The following SLC38A9 variants were observed in gnomAD, a reference collection of about 807,000 sequenced individuals.
SLC38A9 encodes the protein neutral amino acid transporter 9.
SLC38A9 carries 48 observed loss-of-function variants against 62.3 expected under a neutral mutation model. The observed-to-expected ratio is 0.77, with a 90% CI of 0.61 to 0.98. SLC38A9 has a LOEUF of 0.98. Among genes scored for constraint, SLC38A9 ranks in the 50% least tolerant of loss-of-function variants. SLC38A9 has a pLI of 0.00. For synonymous variants in SLC38A9, 204 were observed against 227.7 expected (o/e 0.90, Z 0.94); for missense variants, 541 against 679.8 (o/e 0.80, Z 2.27).
At position 55,679,231 on chromosome 5, in the gene SLC38A9, T is replaced by C. The variant is rs894163404; in HGVS notation, c.114-6536A>G. On this transcript the variant is annotated intron_variant, in intron 3 of 15. Coordinates refer to ENST00000396865, the MANE Select transcript of SLC38A9 (RefSeq NM_173514.4). The stretch of plus-strand genomic sequence containing the variant: ...CATAAGCAGTCTCATTTTTTTAAGA[T>C]TGTTATTTTTTTTTTAACTAAGTGG... 6.6e-5 allele frequency among the ~76,000 whole-genome samples: 10 copies of C among 152,164 alleles called. 1 individual carries two copies. The highest frequency in any genetic ancestry group is 2.4e-4 in the African/African-American group (10 of 41,434).
intron 8 of SLC38A9, among the ~76,000 whole-genome samples, chr5:55,662,099 T>C (rs1749677435): frequency 6.6e-6 from 1 of 152,154 alleles, no homozygotes; most frequent in Non-Finnish European, 1.5e-5. Flanking sequence ...CAAGTAAGGT[T>C]GAAAATGTGA....
At chr5:55,669,676 T>C in intron 5 of SLC38A9, 56 bp from the exon 6 acceptor site, 1 of 1,588,710 alleles carries the variant, frequency 6.3e-7, no homozygotes, top group African/African-American at 1.4e-5. Context: ...TCAAACATTT[T>C]AATTGAGACA....
chr5:55,655,892 C>T (rs925945574), intron 9 of SLC38A9, among the ~76,000 whole-genome samples: 2 of 151,982 alleles, frequency 1.3e-5, no homozygotes, highest in Admixed American at 6.6e-5. Flanking sequence ...TTCCCTGTAA[C>T]GGCCATACTG....
chr5:55,667,886 A>G (rs1191193947), intron 7 of SLC38A9, among the ~76,000 whole-genome samples: 1 of 152,190 alleles, frequency 6.6e-6, no homozygotes, highest in Non-Finnish European at 1.5e-5. Flanking sequence ...TAGTTTAATA[A>G]CATGGAAGTT....
At chr5:55,637,630 C>A (rs971683700) in intron 12 of SLC38A9, among the ~76,000 whole-genome samples, 1 of 152,132 alleles carries the variant, frequency 6.6e-6, no homozygotes, top group East Asian at 1.9e-4. Context: ...TACCCAGGAC[C>A]ACGCCTGGTA....
rs1455774804 is a variant in SLC38A9 at position 55,652,549 on chromosome 5, A to G, written c.932T>C (p.Phe311Ser). 6.2e-7 allele frequency: 1 copy of G among 1,601,564 alleles called. No individual in the cohort carries two copies. Among genetic ancestry groups the G allele is most frequent in the South Asian group, 1.1e-5 (1 of 89,590 alleles). The change falls in exon 10 of 16, where the codon TTT (phenylalanine) becomes TCT (serine). Residue 311 changes from phenylalanine to serine, a missense_variant. By Grantham distance (155) the Phe-to-Ser change is radical. Coordinates refer to ENST00000396865, the MANE Select transcript of SLC38A9 (RefSeq NM_173514.4). ...CTTACCTAGGATATTAAATTTTGAAAAAAATGAAGGAGACTTGAAATTGAG... is the reference window on the plus strand; with the variant it reads ...CTTACCTAGGATATTAAATTTTGAAGAAAATGAAGGAGACTTGAAATTGAG... ...PLLNFKSPSF[F>S]SKFNILGTVS...
chr5:55,651,449 C>G (rs1439706281), intron 10 of SLC38A9, among the ~76,000 whole-genome samples: 2 of 151,744 alleles, frequency 1.3e-5, no homozygotes, highest in Non-Finnish European at 2.9e-5. Context: ...AGGGTTTCAC[C>G]ATCTTGGCCA....
At chr5:55,711,146 A>G (rs1757978212) in intron 2 of SLC38A9, among the ~76,000 whole-genome samples, 1 of 151,754 alleles carries the variant, frequency 6.6e-6, no homozygotes, top group South Asian at 2.1e-4. Context: ...TACAAAAATT[A>G]GCGGGGCGTG....
intron 14 of SLC38A9, among the ~76,000 whole-genome samples, chr5:55,630,591 C>T (rs746615746): frequency 2.5e-4 from 38 of 152,132 alleles, no homozygotes; most frequent in Non-Finnish European, 4.6e-4. Flanking sequence ...GCTGGGATTA[C>T]AGGTGTGAGC....
At chr5:55,670,350 AAACT>A (rs2150344962) in intron 4 of SLC38A9, among the ~76,000 whole-genome samples, 1 of 121,610 alleles carries the variant, frequency 8.2e-6, no homozygotes, top group South Asian at 3.2e-4. Flanking sequence ...AAATATAGAA[AAACT>A]AACTAAAAAA....
Position 55,626,390 on chromosome 5 carries a change from T to G in SLC38A9, c.*104A>C. 1 of 1,017,290 alleles carries G rather than the reference T, an allele frequency of 9.8e-7. No individual in the cohort carries two copies. Among genetic ancestry groups the G allele is most frequent in the Non-Finnish European group, 1.4e-6 (1 of 702,952 alleles). 63.0% of individuals were successfully genotyped at this position (1,017,290 alleles called of 1,614,324 possible). Reference sequence around the variant, plus strand: ...CTTGCTTTCAAATTATCTTAGAAAATATTTAGAATTACACAACAGCAGCAT... The same window carrying G: ...CTTGCTTTCAAATTATCTTAGAAAAGATTTAGAATTACACAACAGCAGCAT... On this transcript the variant is annotated 3_prime_UTR_variant, in exon 16 of 16. Coordinates refer to ENST00000396865, the MANE Select transcript of SLC38A9 (RefSeq NM_173514.4).
intron 10 of SLC38A9, among the ~76,000 whole-genome samples, chr5:55,650,561 A>G (rs1477835073): frequency 6.6e-6 from 1 of 152,188 alleles, no homozygotes; most frequent in Admixed American, 6.5e-5. Context: ...GAAACCACGA[A>G]TGAGCGATAT....
intron 15 of SLC38A9, among the ~76,000 whole-genome samples, 156 bp from the exon 16 acceptor site, chr5:55,626,815 AACTT>A (rs1374288347): frequency 1.3e-5 from 2 of 152,154 alleles, no homozygotes; most frequent in African/African-American, 4.8e-5. Flanking sequence ...CTGGGTTTAA[AACTT>A]ACTTTACTTG....
intron 2 of SLC38A9, among the ~76,000 whole-genome samples, chr5:55,700,371 A>AAAAG (rs1554069849): frequency 2.0e-5 from 3 of 151,274 alleles, no homozygotes; most frequent in African/African-American, 4.9e-5. Flanking sequence ...AAAAAAAAAA[A>AAAAG]GAACTAAAAT....
intron 14 of SLC38A9, among the ~76,000 whole-genome samples, chr5:55,631,801 T>C (rs1227856230): frequency 6.6e-6 from 1 of 152,226 alleles, no homozygotes; most frequent in Admixed American, 6.5e-5. Flanking sequence ...TAAGTTATCT[T>C]TCTTTAAAAG....
intron 12 of SLC38A9, 48 bp from the exon 13 acceptor site, chr5:55,635,705 A>C (rs748526294): frequency 1.6e-6 from 2 of 1,282,866 alleles, no homozygotes; most frequent in Non-Finnish European, 2.3e-6. Context: ...ACCTTGTAGT[A>C]AGTCTACCTT....
At chr5:55,633,420 G>C (rs547181569) in intron 14 of SLC38A9, 7 of 172,060 alleles carry the variant, frequency 4.1e-5, no homozygotes, top group Non-Finnish European at 8.6e-5. Flanking sequence ...TAAAAGTGTT[G>C]CTTCTCATTA....
At chr5:55,630,953 G>A (rs866469298) in intron 14 of SLC38A9, among the ~76,000 whole-genome samples, 8 of 152,036 alleles carry the variant, frequency 5.3e-5, no homozygotes, top group African/African-American at 1.2e-4. Context: ...CCAACATGGC[G>A]AAACACCATC....
chr5:55,645,844 A>C lies in SLC38A9; in HGVS notation c.1112T>G (p.Phe371Cys), dbSNP rs1396486204. ...QLTGVLTLAF[F>C]IHNCIITLLK... ...GAGTGTGATGATACAATTATGAATA[A>C]AAAAAGCAAGGGTAAGCACTCCAGT... Residue 371 changes from phenylalanine to cysteine, a missense_variant, in exon 12 of 16, where the codon TTT (phenylalanine) becomes TGT (cysteine). Coordinates refer to ENST00000396865, the MANE Select transcript of SLC38A9 (RefSeq NM_173514.4). 1 of 1,612,524 alleles carries C rather than the reference A, an allele frequency of 6.2e-7. No individual in the cohort carries two copies. Among genetic ancestry groups the C allele is most frequent in the Non-Finnish European group, 8.5e-7 (1 of 1,179,518 alleles).
Sources: gnomAD v4.1 joint callset for allele counts (sites outside exome capture counted in the v4.1 genomes callset) on GRCh38, gnomAD v4.1.1 for gene constraint, MANE v1.5 for transcripts, NCBI Gene and HGNC (gene_info 2026-07-23, HGNC 2026-07-21) for gene names.